FANCD2: variants seen among roughly 807,000 people sequenced by gnomAD.
FANCD2 encodes the protein FA complementation group D2.
FANCD2 carries 131 observed loss-of-function variants against 192.3 expected under a neutral mutation model. The observed-to-expected ratio is 0.68, with a 90% CI of 0.59 to 0.79. The LOEUF (loss-of-function observed/expected upper bound fraction) is 0.79, where lower values mean the gene tolerates loss of function less well. Ranked by LOEUF, FANCD2 falls within the 30% of genes least tolerant of loss-of-function variation. The pLI, the probability that FANCD2 is intolerant of heterozygous loss-of-function variation, is 0.00. For missense variants in FANCD2, 1,508 were observed against 1,701.6 expected (o/e 0.89, Z 2.00); for synonymous variants, 524 against 612.5 (o/e 0.86, Z 2.13).
intron 32 of FANCD2, among the ~76,000 whole-genome samples, chr3:10,085,383 CTTT>C (rs142081081): frequency 1.2e-4 from 18 of 149,184 alleles, no homozygotes; most frequent in African/African-American, 4.4e-4. Flanking sequence ...ATTCTTTTTT[CTTT>C]TTTCTTTCTT....
rs1559389286 is a variant in FANCD2, at chr3:10,065,440, C to A, written c.2215C>A (p.Leu739Ile). The A allele has an allele frequency of 1.2e-6, 2 of 1,613,992 alleles. No homozygotes were observed. Among genetic ancestry groups the A allele is most frequent in the Non-Finnish European group, 1.7e-6 (2 of 1,179,904 alleles). ...CLAPYFRLLR[L>I]CVERQHNGNL... ...GGCTCCGTATTTCCGGTTACTGAGA[C>A]TTTGTGTGGAGAGACAGCATAACGG... Residue 739 changes from leucine to isoleucine, a missense_variant, in exon 24 of 44, where the codon CTT becomes ATT. Around this residue, in one of 5 missense-constraint regions of FANCD2, gnomAD observed 796 missense variants for 879.4 expected, o/e 0.91. Coordinates refer to ENST00000675286, the MANE Select transcript of FANCD2 (RefSeq NM_001018115.3).
chr3:10,030,656 T>C (rs1051930540), intron 2 of FANCD2, among the ~76,000 whole-genome samples: 33 of 152,260 alleles, frequency 2.2e-4, no homozygotes, highest in Non-Finnish European at 3.8e-4. Flanking sequence ...TCCCAGCACT[T>C]TGGGAGGCCA....
At chr3:10,063,941 T>C (rs768330947) in intron 21 of FANCD2, 30 bp downstream of exon 21, 23 of 1,614,082 alleles carry the variant, frequency 1.4e-5, no homozygotes, top group Non-Finnish European at 1.9e-5. Context: ...CTTAAAGCAA[T>C]AAAGCATGAG....
chr3:10,047,656 G>A (rs1358740293), intron 15 of FANCD2, among the ~76,000 whole-genome samples: 1 of 152,282 alleles, frequency 6.6e-6, no homozygotes, highest in Non-Finnish European at 1.5e-5. Flanking sequence ...TGAGCAGATA[G>A]GAATGTTCTA....
chr3:10,057,909 G>T (rs987799675), intron 18 of FANCD2: 1 of 230,944 alleles, frequency 4.3e-6, no homozygotes, highest in African/African-American at 2.3e-5. Context: ...ATCTATTAAA[G>T]TATGGTACAC....
At chr3:10,042,144 C>G (rs893682650) in intron 10 of FANCD2, among the ~76,000 whole-genome samples, 1 of 152,130 alleles carries the variant, frequency 6.6e-6, no homozygotes, top group Non-Finnish European at 1.5e-5. Flanking sequence ...TTTCCACCCC[C>G]CTCGGCCTCC....
At chr3:10,078,322 C>T (rs181987077) in intron 30 of FANCD2, 125 bp downstream of exon 30, 4 of 733,652 alleles carry the variant, frequency 5.5e-6, no homozygotes, top group Admixed American at 3.7e-5. Context: ...TGGGTGCAGC[C>T]GTATTGCCAG....
Position 10,040,139 on chromosome 3 carries a change from A to G in FANCD2, c.695+294A>G, listed in dbSNP as rs1575743447. On this transcript the variant is annotated intron_variant, in intron 9 of 43. Coordinates refer to ENST00000675286, the MANE Select transcript of FANCD2 (RefSeq NM_001018115.3). Reference sequence around the variant, plus strand: ...AACCTCCGCCTCCTGGGTTCACCCCATTCTCCTGCCTCAGCCTCCCAAGTA... The same window carrying G: ...AACCTCCGCCTCCTGGGTTCACCCCGTTCTCCTGCCTCAGCCTCCCAAGTA... The G allele has an allele frequency of 1.5e-5, 6 of 401,900 alleles. No individual in the cohort carries two copies. In the East Asian group the frequency reaches 2.3e-4, roughly 15 times the overall value. 24.9% of individuals were successfully genotyped at this position (401,900 alleles called of 1,614,324 possible). A position where few individuals can be genotyped will look rare whatever the true frequency, so the allele number is the denominator to read the frequency against.
At chr3:10,052,585 C>A in intron 18 of FANCD2, 88 bp downstream of exon 18, 1 of 877,466 alleles carries the variant, frequency 1.1e-6, no homozygotes, top group South Asian at 1.4e-5. Flanking sequence ...TTGGCACGAT[C>A]TCAGCTCATT....
Position 10,085,880 on chromosome 3 carries a change from T to C in FANCD2, c.3293T>C (p.Leu1098Pro). 6.2e-7 allele frequency: 1 copy of C among 1,613,786 alleles called. No homozygotes were observed. Among genetic ancestry groups the C allele is most frequent in the Non-Finnish European group, 8.5e-7 (1 of 1,179,732 alleles). Residue 1098 changes from leucine to proline, a missense_variant, in exon 33 of 44, where the codon CTG becomes CCG. Physicochemically the swap from Leu to Pro is moderately conservative, Grantham distance 98. Transcript: ENST00000675286. The part of the protein sequence containing the change: ...YSALHVLSSR[L>P]KQGEHSQPLE... ...GCCCTCCATGTCCTTAGTAGCCGAC[T>C]GAAACAGGGAGAACACAGCCAGCCT... is the stretch of plus-strand genomic sequence containing the variant.
At chr3:10,076,468 G>A (rs1390027157) in intron 29 of FANCD2, among the ~76,000 whole-genome samples, 2 of 152,030 alleles carry the variant, frequency 1.3e-5, no homozygotes, top group African/African-American at 4.8e-5. Context: ...TATTTATTTT[G>A]GACATGCTTG....
At chr3:10,094,142 A>AAAT in intron 39 of FANCD2, 147 bp from the exon 40 acceptor site, 1 of 678,774 alleles carries the variant, frequency 1.5e-6, no homozygotes. Flanking sequence ...TACATTCTCC[A>AAAT]AATAAACCTT....
chr3:10,082,395 C>T (rs1693897357), intron 32 of FANCD2, among the ~76,000 whole-genome samples: 1 of 152,182 alleles, frequency 6.6e-6, no homozygotes, highest in African/African-American at 2.4e-5. Flanking sequence ...TCAGTCCATT[C>T]TTCACATGGC....
chr3:10,088,971 A>G (rs768916596), intron 36 of FANCD2, 21 bp downstream of exon 36: 97 of 1,613,450 alleles, frequency 6.0e-5, no homozygotes, highest in Non-Finnish European at 7.8e-5. Context: ...TCTTTCCTCC[A>G]GTTTTTCCCT....
chr3:10,076,819 G>A (rs1559396876), intron 29 of FANCD2, among the ~76,000 whole-genome samples: 2 of 152,246 alleles, frequency 1.3e-5, no homozygotes, highest in East Asian at 3.9e-4. Context: ...TCTGCCTCCT[G>A]AGCTCAAGTG....
At chr3:10,084,139 G>C (rs544820499) in intron 32 of FANCD2, among the ~76,000 whole-genome samples, 11 of 151,650 alleles carry the variant, frequency 7.3e-5, no homozygotes, top group African/African-American at 2.7e-4. Context: ...GATTACATGC[G>C]CCTGCCACTG....
intron 17 of FANCD2, among the ~76,000 whole-genome samples, chr3:10,051,082 CA>C (rs61438880): frequency 0.24 from 34,227 of 140,346 alleles, 5,241 homozygotes; most frequent in African/African-American, 0.46. Context: ...GCGAAACTGT[CA>C]AAAAAAAAAG....
In FANCD2 at chr3:10,093,437, A is replaced by G. The variant is rs554548420; in HGVS notation, c.3888+114A>G. The G allele has an allele frequency of 7.7e-6, 7 of 912,338 alleles. No individual in the cohort carries two copies. In the Admixed American group the frequency reaches 1.2e-4, roughly 16 times the overall value. The allele number at this position is 912,338 out of a possible 1,614,324, so 56.5% of individuals were successfully genotyped here. On this transcript the variant is annotated intron_variant, in intron 39 of 43. Coordinates refer to ENST00000675286, the MANE Select transcript of FANCD2 (RefSeq NM_001018115.3). ...CTTGCCCACAAGCCAGAGTTTCCAG[A>G]ATCTATGCCAGTTTAGGGAAGGCAA...
At chr3:10,060,695 C>T (rs1286914782) in intron 19 of FANCD2, among the ~76,000 whole-genome samples, 1 of 152,168 alleles carries the variant, frequency 6.6e-6, no homozygotes, top group Non-Finnish European at 1.5e-5. Flanking sequence ...TTTTAGAATG[C>T]ATTTTTCTTT....
Sources: allele counts gnomAD v4.1 joint callset (sites outside exome capture counted in the v4.1 genomes callset), GRCh38; gene constraint gnomAD v4.1.1; regional missense constraint gnomAD v4.1.1; transcripts MANE v1.5; gene names NCBI Gene and HGNC (gene_info 2026-07-23, HGNC 2026-07-21).